WNT4: variants seen among roughly 807,000 people sequenced by gnomAD.
WNT4 encodes the protein Wnt family member 4, also known as protein Wnt-4.
In WNT4, 16 loss-of-function variants were observed where a neutral mutation model predicts 34.5. The ratio of observed to expected loss-of-function variants is 0.46; its 90% CI spans 0.31 to 0.70. The LOEUF is 0.70. WNT4 is among the 30% of genes least tolerant of loss of function. The pLI is 0.04. For synonymous variants in WNT4, 200 were observed against 211.9 expected (o/e 0.94, Z 0.49); for missense variants, 379 against 495.9 (o/e 0.76, Z 2.24).
chr1:22,124,444 C>T (rs999867861), intron 2 of WNT4, among the ~76,000 whole-genome samples: 4 of 152,204 alleles, frequency 2.6e-5, no homozygotes, highest in African/African-American at 9.7e-5. Context: ...GCCTCAATGC[C>T]ACCTTTTCCA....
chr1:22,142,832 C>T lies in WNT4; in HGVS notation c.77+14G>A. ...CCGCCCCGCCCCGCCCCGCTCGGCC[C>T]CGGCCAGACTTACAGCCAGTTGCTC... On this transcript the variant is annotated intron_variant, in intron 1 of 4. Transcript: ENST00000290167. The surrounding 1 kb of genome is among the most constrained non-coding windows in gnomAD (Gnocchi z 6.0). 1 of 1,196,274 alleles carries T rather than the reference C, an allele frequency of 8.4e-7. No individual in the cohort carries two copies. Among genetic ancestry groups the T allele is most frequent in the Non-Finnish European group, 1.1e-6 (1 of 938,520 alleles). The allele number at this position is 1,196,274 out of a possible 1,614,324, so 74.1% of individuals were successfully genotyped here. A position where few individuals can be genotyped will look rare whatever the true frequency, so the allele number is the denominator to read the frequency against.
intron 1 of WNT4, among the ~76,000 whole-genome samples, chr1:22,136,648 A>G (rs1254920803): frequency 6.6e-6 from 1 of 152,040 alleles, no homozygotes; most frequent in African/African-American, 2.4e-5. Context: ...GGCTGCTGTC[A>G]GCGGCTGCGG....
At chr1:22,121,168 G>A in intron 4 of WNT4, 43 bp downstream of exon 4, 1 of 1,611,976 alleles carries the variant, frequency 6.2e-7, no homozygotes, top group Non-Finnish European at 8.5e-7. Context: ...CCCTGCCCAT[G>A]CTATCCCTAC....
chr1:22,138,979 C>T (rs552793434), intron 1 of WNT4, among the ~76,000 whole-genome samples: 1 of 152,214 alleles, frequency 6.6e-6, no homozygotes, highest in Non-Finnish European at 1.5e-5. Context: ...GCCCCCAGGG[C>T]ACGGAAAGGT....
intron 1 of WNT4, among the ~76,000 whole-genome samples, chr1:22,130,323 A>G (rs1003781390): frequency 2.5e-4 from 38 of 152,226 alleles, no homozygotes; most frequent in African/African-American, 8.2e-4. Flanking sequence ...CACAAGACCA[A>G]GATCCTCACT....
At chr1:22,121,983 T>C (rs1413023631) in intron 2 of WNT4, among the ~76,000 whole-genome samples, 1 of 152,214 alleles carries the variant, frequency 6.6e-6, no homozygotes, top group Non-Finnish European at 1.5e-5. Context: ...TGAAGGTTTA[T>C]GGAAGACCAG....
chr1:22,123,252 C>T (rs1338461507), intron 2 of WNT4, among the ~76,000 whole-genome samples: 1 of 152,122 alleles, frequency 6.6e-6, no homozygotes, highest in African/African-American at 2.4e-5. Context: ...CTCTGCTGGT[C>T]TTGGCTCCCA....
At position 22,142,488 on chromosome 1, in the gene WNT4, G is replaced by T. The variant is rs545995344; in HGVS notation, c.77+358C>A. On this transcript the variant is annotated intron_variant, in intron 1 of 4. Transcript: ENST00000290167. The surrounding 1 kb of genome is among the most constrained non-coding windows in gnomAD (Gnocchi z 6.0). ...CCCTTCCCTGCAATGGGCTTCCTCA[G>T]CGACCTGTCAGCCCGGCTGGACTGC... Among the ~76,000 whole-genome samples the T allele has an allele frequency of 9.8e-5, 15 of 152,352 alleles. No homozygotes were observed. The South Asian group carries it at 3.1e-3, about 32-fold the overall frequency.
intron 1 of WNT4, among the ~76,000 whole-genome samples, chr1:22,131,483 C>T (rs1336929714): frequency 1.3e-5 from 2 of 152,154 alleles, no homozygotes; most frequent in Non-Finnish European, 2.9e-5. Flanking sequence ...GTAATGTTTC[C>T]TTCTCAGCCA....
rs575909487 is a variant in WNT4, at chr1:22,139,879, G to A, written c.77+2967C>T. ...GGGCCCTCCCTCAGTGGTGGGAGCC[G>A]TCACAAGCTGTCAGCGGGCTCCTCC... is the stretch of plus-strand genomic sequence containing the variant. On this transcript the variant is annotated intron_variant, in intron 1 of 4. Transcript: ENST00000290167. This position sits in a 1 kb window ranked among gnomAD's most constrained non-coding sequence, Gnocchi z 4.6. Among the ~76,000 whole-genome samples the A allele has an allele frequency of 3.1e-4, 47 of 152,290 alleles. No homozygotes were observed. Among genetic ancestry groups the A allele is most frequent in the African/African-American group, 8.4e-4 (35 of 41,560 alleles).
At chr1:22,129,945 G>A in intron 1 of WNT4, 94 bp from the exon 2 acceptor site, 1 of 1,444,940 alleles carries the variant, frequency 6.9e-7, no homozygotes, top group Non-Finnish European at 9.6e-7. Context: ...TCTGGGAACT[G>A]ACTCGTCCCA....
At chr1:22,136,585 C>T (rs1166653413) in intron 1 of WNT4, among the ~76,000 whole-genome samples, 7 of 152,296 alleles carry the variant, frequency 4.6e-5, no homozygotes, top group Non-Finnish European at 8.8e-5. Flanking sequence ...GGGTGGGGCT[C>T]ATCCCCCCAG....
intron 2 of WNT4, among the ~76,000 whole-genome samples, chr1:22,124,489 T>G (rs1645926279): frequency 6.6e-6 from 1 of 152,160 alleles, no homozygotes. Flanking sequence ...GGAATTCAGT[T>G]AACCCGTAAA....
At position 22,142,784 on chromosome 1, in the gene WNT4, G is replaced by A; in HGVS notation, c.77+62C>T. Reference sequence around the variant, plus strand: ...CCGCTGCCCCGCGCCGCCTGGCACCGGCCGCTGCCCCCGGGGCCTGCCCCG... The same window carrying A: ...CCGCTGCCCCGCGCCGCCTGGCACCAGCCGCTGCCCCCGGGGCCTGCCCCG... On this transcript the variant is annotated intron_variant, in intron 1 of 4. Coordinates refer to ENST00000290167, the MANE Select transcript of WNT4 (RefSeq NM_030761.5). This position sits in a 1 kb window ranked among gnomAD's most constrained non-coding sequence, Gnocchi z 6.0. 3.0e-6 allele frequency: 3 copies of A among 1,003,026 alleles called. No individual in the cohort carries two copies. The highest frequency in any genetic ancestry group is 3.6e-6 in the Non-Finnish European group (3 of 837,978). The allele number at this position is 1,003,026 out of a possible 1,614,324, so 62.1% of individuals were successfully genotyped here. A position where few individuals can be genotyped will look rare whatever the true frequency, so the allele number is the denominator to read the frequency against.
chr1:22,120,168 C>G lies in WNT4; in HGVS notation c.938G>C (p.Arg313Pro). 1 of 1,613,640 alleles carries G rather than the reference C, an allele frequency of 6.2e-7. No homozygotes were observed. Among genetic ancestry groups the G allele is most frequent in the Non-Finnish European group, 8.5e-7 (1 of 1,179,922 alleles). ...CTCCACCTGCGCCGTGTGGAAGCCG[C>G]GGCCACAGCACAGCAGCTCACAGCC... ...IDGCELLCCG[R>P]GFHTAQVELA... The change falls in exon 5 of 5, where the codon CGC becomes CCC. Residue 313 changes from arginine to proline, a missense_variant. This residue lies in a region of WNT4 where 313 missense variants were observed against 445.8 expected (regional missense o/e 0.70). Transcript: ENST00000290167.
Position 22,142,942 on chromosome 1 carries a change from G to A in WNT4, c.-20C>T. 1 of 1,085,142 alleles carries A rather than the reference G, an allele frequency of 9.2e-7. No individual in the cohort carries two copies. Among genetic ancestry groups the A allele is most frequent in the South Asian group, 2.2e-5 (1 of 45,110 alleles). The allele number at this position is 1,085,142 out of a possible 1,614,324, so 67.2% of individuals were successfully genotyped here. A position where few individuals can be genotyped will look rare whatever the true frequency, so the allele number is the denominator to read the frequency against. On this transcript the variant is annotated 5_prime_UTR_variant, in exon 1 of 5. Transcript: ENST00000290167. This position sits in a 1 kb window ranked among gnomAD's most constrained non-coding sequence, Gnocchi z 6.0. ...ACTCATGGTGCCGCCGCGGGCGCCCGGCCCGGGGCAGCGGCTGCGGCCGCG... is the reference window on the plus strand; with the variant it reads ...ACTCATGGTGCCGCCGCGGGCGCCCAGCCCGGGGCAGCGGCTGCGGCCGCG...
chr1:22,133,819 T>A (rs1381736858), intron 1 of WNT4, among the ~76,000 whole-genome samples: 2 of 152,044 alleles, frequency 1.3e-5, no homozygotes, highest in African/African-American at 4.8e-5. Context: ...CAGGAGGCCC[T>A]CCCCGAGCCC....
At position 22,137,737 on chromosome 1, in the gene WNT4, G is replaced by T. The variant is rs1646033448; in HGVS notation, c.77+5109C>A. ...CCCCTCGGGCAGAGCCTGGTCCTGGGGTGCTGCAGTGCTGGGGGAGAAACA... is the reference window on the plus strand; with the variant it reads ...CCCCTCGGGCAGAGCCTGGTCCTGGTGTGCTGCAGTGCTGGGGGAGAAACA... On this transcript the variant is annotated intron_variant, in intron 1 of 4. Coordinates refer to ENST00000290167, the MANE Select transcript of WNT4 (RefSeq NM_030761.5). This position sits in a 1 kb window ranked among gnomAD's most constrained non-coding sequence, Gnocchi z 5.3. Among the ~76,000 whole-genome samples the T allele has an allele frequency of 6.6e-6, 1 of 152,224 alleles. No homozygotes were observed. The highest frequency in any genetic ancestry group is 2.4e-5 in the African/African-American group (1 of 41,464).
At chr1:22,135,010 CT>C (rs1646011524) in intron 1 of WNT4, among the ~76,000 whole-genome samples, 1 of 152,162 alleles carries the variant, frequency 6.6e-6, no homozygotes, top group African/African-American at 2.4e-5. Flanking sequence ...CAGATGAAGT[CT>C]GCAGAGTTTG....
Sources: gnomAD v4.1 joint callset for allele counts (sites outside exome capture counted in the v4.1 genomes callset) on GRCh38, gnomAD v4.1.1 for gene constraint, gnomAD v4.1.1 regional missense constraint, Gnocchi (gnomAD v3.1) non-coding constraint, MANE v1.5 for transcripts, NCBI Gene and HGNC (gene_info 2026-07-23, HGNC 2026-07-21) for gene names.